SEMA3C: variants seen among roughly 807,000 people sequenced by gnomAD.
SEMA3C encodes semaphorin-3C.
A neutral mutation model predicts 89.4 loss-of-function variants in SEMA3C; 47 were observed. The ratio of observed to expected loss-of-function variants is 0.53; its 90% confidence interval spans 0.42 to 0.67. SEMA3C has a LOEUF of 0.67. Ranked by LOEUF, SEMA3C falls within the 30% of genes least tolerant of loss-of-function variation. SEMA3C has a pLI of 0.00. For synonymous variants in SEMA3C, 310 were observed against 320.2 expected (o/e 0.97, Z 0.34); for missense variants, 839 against 929.1 (o/e 0.90, Z 1.26).
intron 5 of SEMA3C, among the ~76,000 whole-genome samples, chr7:80,816,994 G>T (rs1789623077): frequency 6.6e-6 from 1 of 152,340 alleles, no homozygotes; most frequent in African/African-American, 2.4e-5. Flanking sequence ...TCAGGGAAGT[G>T]TCTGACAGAT....
intron 5 of SEMA3C, among the ~76,000 whole-genome samples, chr7:80,811,105 T>A (rs997990096): frequency 6.6e-5 from 10 of 152,306 alleles, no homozygotes; most frequent in East Asian, 3.9e-4. Flanking sequence ...AAGATTTTTT[T>A]AAAAATAGCA....
At chr7:80,751,514 TGA>T (rs869188493) in intron 15 of SEMA3C, among the ~76,000 whole-genome samples, 178 bp from the exon 16 acceptor site, 5 of 146,104 alleles carry the variant, frequency 3.4e-5, no homozygotes, top group East Asian at 4.8e-4. Flanking sequence ...TTATCAATAA[TGA>T]GGGGGGGTAC....
At chr7:80,780,201 G>A (rs1223183668) in intron 12 of SEMA3C, among the ~76,000 whole-genome samples, 1 of 152,144 alleles carries the variant, frequency 6.6e-6, no homozygotes, top group Non-Finnish European at 1.5e-5. Context: ...ACTCCCATGT[G>A]AAATAAATAT....
chr7:80,888,959 G>A (rs1377717373), intron 2 of SEMA3C, among the ~76,000 whole-genome samples: 1 of 152,102 alleles, frequency 6.6e-6, no homozygotes, highest in Non-Finnish European at 1.5e-5. Context: ...TGCCTCCCAG[G>A]TTCAAGTGAT....
chr7:80,903,916 C>T (rs899172913), intron 2 of SEMA3C, among the ~76,000 whole-genome samples: 2 of 152,214 alleles, frequency 1.3e-5, no homozygotes, highest in Non-Finnish European at 2.9e-5. Context: ...ACCCCTACCA[C>T]CACTATAGCT....
chr7:80,887,427 T>C (rs1277338884), intron 2 of SEMA3C, among the ~76,000 whole-genome samples: 1 of 152,174 alleles, frequency 6.6e-6, no homozygotes, highest in African/African-American at 2.4e-5. Flanking sequence ...TATGGTTCTA[T>C]CTTCAGTAAA....
intron 15 of SEMA3C, among the ~76,000 whole-genome samples, chr7:80,757,859 C>T (rs1386598090): frequency 3.9e-5 from 6 of 151,978 alleles, no homozygotes; most frequent in East Asian, 3.9e-4. Flanking sequence ...CCCAGCTACT[C>T]GGGAGGCTGA....
intron 2 of SEMA3C, among the ~76,000 whole-genome samples, chr7:80,902,962 G>A (rs1243649464): frequency 6.6e-6 from 1 of 152,172 alleles, no homozygotes; most frequent in Non-Finnish European, 1.5e-5. Context: ...GCATAAGCCC[G>A]CTGAATTACT....
chr7:80,842,356 A>G (rs1790288986), intron 2 of SEMA3C, among the ~76,000 whole-genome samples: 1 of 152,170 alleles, frequency 6.6e-6, no homozygotes, highest in Non-Finnish European at 1.5e-5. Context: ...AAAAGAGATC[A>G]GTGTTGCACT....
intron 2 of SEMA3C, among the ~76,000 whole-genome samples, chr7:80,903,727 C>A (rs1233356762): frequency 6.6e-6 from 1 of 152,112 alleles, no homozygotes; most frequent in Non-Finnish European, 1.5e-5. Context: ...ATGGAAACAT[C>A]ATTATGCAGT....
intron 2 of SEMA3C, among the ~76,000 whole-genome samples, chr7:80,838,978 A>T (rs1790202287): frequency 6.6e-6 from 1 of 151,288 alleles, no homozygotes; most frequent in Admixed American, 6.6e-5. Context: ...TAAATAGAGA[A>T]TTCTAAACTC....
intron 2 of SEMA3C, among the ~76,000 whole-genome samples, chr7:80,831,166 A>G (rs1192569444): frequency 6.6e-6 from 1 of 152,230 alleles, no homozygotes. Context: ...ACATACACAG[A>G]CTAGCGCAGT....
chr7:80,853,885 CAT>C (rs1025682738), intron 2 of SEMA3C, among the ~76,000 whole-genome samples: 3 of 148,040 alleles, frequency 2.0e-5, no homozygotes, highest in South Asian at 2.1e-4. Flanking sequence ...TTATGTACCC[CAT>C]ATATATGTGT....
chr7:80,890,398 G>A (rs532645220), intron 2 of SEMA3C, among the ~76,000 whole-genome samples: 1 of 152,052 alleles, frequency 6.6e-6, no homozygotes, highest in Non-Finnish European at 1.5e-5. Flanking sequence ...TAAGTTAAAA[G>A]TGTATAAAGA....
chr7:80,901,977 G>C (rs1791891213), intron 2 of SEMA3C, among the ~76,000 whole-genome samples: 1 of 152,056 alleles, frequency 6.6e-6, no homozygotes. Context: ...TTGCTTTTGA[G>C]ACTGTCTCGC....
At chr7:80,797,086 A>G (rs145875421) in intron 11 of SEMA3C, among the ~76,000 whole-genome samples, 108 of 152,324 alleles carry the variant, frequency 7.1e-4, no homozygotes, top group African/African-American at 2.5e-3. Context: ...CCTTGTTTAC[A>G]TAAATGTATC....
At chr7:80,897,667 T>C (rs1385906263) in intron 2 of SEMA3C, among the ~76,000 whole-genome samples, 1 of 152,126 alleles carries the variant, frequency 6.6e-6, no homozygotes, top group Non-Finnish European at 1.5e-5. Flanking sequence ...AAAAAAAAGT[T>C]TGAGGCTGTT....
chr7:80,814,025 T>C (rs1316549608), intron 5 of SEMA3C, among the ~76,000 whole-genome samples: 3 of 152,060 alleles, frequency 2.0e-5, no homozygotes, highest in Non-Finnish European at 4.4e-5. Context: ...TATTTTTATT[T>C]CCCAGAACCA....
At chr7:80,753,127 C>G (rs570320597) in intron 15 of SEMA3C, among the ~76,000 whole-genome samples, 10 of 152,178 alleles carry the variant, frequency 6.6e-5, no homozygotes, top group African/African-American at 2.4e-4. Context: ...TTTGTACCAC[C>G]TAAGTATTCC....
Sources: gnomAD v4.1 joint callset for allele counts (sites outside exome capture counted in the v4.1 genomes callset) on GRCh38, gnomAD v4.1.1 for gene constraint, MANE v1.5 for transcripts, NCBI Gene and HGNC (gene_info 2026-07-23, HGNC 2026-07-21) for gene names.